MAP7D3: variants seen among roughly 807,000 people sequenced by gnomAD.
The protein encoded by MAP7D3 is MAP7 domain-containing protein 3.
Under a neutral mutation model 62.2 loss-of-function variants are expected in MAP7D3, and 45 were observed. The observed-to-expected ratio is 0.72, with a 90% CI of 0.57 to 0.93. The LOEUF is 0.93. Among genes scored for constraint, MAP7D3 ranks in the 40% least tolerant of loss-of-function variants. MAP7D3 has a pLI of 0.00. For synonymous variants in MAP7D3, 288 were observed against 248.8 expected (o/e 1.16, Z -1.48); for missense variants, 711 against 683.1 (o/e 1.04, Z -0.45).
intron 3 of MAP7D3, among the ~76,000 whole-genome samples, chrX:136,245,118 C>T (rs1011126936): frequency 6.3e-5 from 7 of 111,917 alleles, no homozygotes; most frequent in Admixed American, 3.8e-4. Flanking sequence ...AAAGTCAAAC[C>T]CTACCATATT....
At chrX:136,250,864 C>A (rs1255864335) in intron 1 of MAP7D3, among the ~76,000 whole-genome samples, 1 of 111,875 alleles carries the variant, frequency 8.9e-6, no homozygotes, top group East Asian at 2.9e-4. Context: ...GCCCGCACAT[C>A]CCAGGCAGCT....
Position 136,227,303 on chromosome X carries a change from T to A in MAP7D3, c.2015A>T (p.Asp672Val). 8.3e-7 allele frequency: 1 copy of A among 1,209,103 alleles called. No homozygotes were observed. The highest frequency in any genetic ancestry group is 1.1e-6 in the Non-Finnish European group (1 of 894,658). The change falls in exon 12 of 19, where the codon GAC becomes GTC. Residue 672 changes from aspartate (D) to valine (V), a missense_variant. By Grantham distance (152) the Asp-to-Val change is radical. Transcript: ENST00000316077. ...KKKKGWLDQE[D>V]QEAPLQKGDA... is the part of the protein sequence containing the mutation. ...GCAAACCTGCAGTGGTGCTTCCTGG[T>A]CTTCCTGATCCAGCCATCCTTTCTT...
At position 136,245,938 on chromosome X, in the gene MAP7D3, T is replaced by A. The variant is rs962808401; in HGVS notation, c.253+127A>T. On this transcript the variant is annotated intron_variant, in intron 3 of 18. Coordinates refer to ENST00000316077, the MANE Select transcript of MAP7D3 (RefSeq NM_024597.4). ...TGCCTGATTTAGTAAAAGGATTTAA[T>A]CCAAAATAATACATAATATAAAAAT... The A allele has an allele frequency of 1.5e-5, 6 of 392,629 alleles. 1 individual carries two copies. In the Admixed American group the frequency reaches 1.6e-4, roughly 10 times the overall value. 32.4% of individuals were successfully genotyped at this position (392,629 alleles called of 1,213,427 possible).
At chrX:136,244,890 TCATTCACTTTCTTAAAATAACACA>T in intron 3 of MAP7D3, 95 bp from the exon 4 acceptor site, 1 of 599,068 alleles carries the variant, frequency 1.7e-6, no homozygotes, top group Non-Finnish European at 2.6e-6. Flanking sequence ...TTAACACATC[TCATTCACTTTCTTAAAATAACACA>T]ACCTGTGCTA....
chrX:136,251,232 G>C, intron 1 of MAP7D3, 57 bp downstream of exon 1: 1 of 1,026,117 alleles, frequency 9.7e-7, no homozygotes, highest in East Asian at 3.8e-5. Context: ...GGGGACTGCG[G>C]GAACCCTGCC....
In MAP7D3 at chrX:136,231,692, G is replaced by A; in HGVS notation, c.1265C>T (p.Ala422Val). 8.3e-7 allele frequency: 1 copy of A among 1,211,049 alleles called. No individual in the cohort carries two copies. The highest frequency in any genetic ancestry group is 1.1e-6 in the Non-Finnish European group (1 of 895,336). ...GSLEAPPKGS[A>V]EVAPKESVKG... The stretch of plus-strand genomic sequence containing the variant: ...CACACTCTCCTTGGGGGCTACTTCT[G>A]CGCTCCCCTTGGGAGGTGCTTCCAG... The change falls in exon 8 of 19, where the codon GCA (alanine) becomes GTA (valine). Residue 422 changes from alanine (A) to valine (V), a missense_variant. Physicochemically the swap from Ala to Val is moderately conservative, Grantham distance 64. Coordinates refer to ENST00000316077, the MANE Select transcript of MAP7D3 (RefSeq NM_024597.4).
Position 136,227,275 on chromosome X carries a change from T to A in MAP7D3, c.2034+9A>T. On this transcript the variant is annotated intron_variant, in intron 12 of 18. Coordinates refer to ENST00000316077, the MANE Select transcript of MAP7D3 (RefSeq NM_024597.4). ...TCTCATCCCCTGATAAAGTGTCAAG[T>A]CAGCAAACCTGCAGTGGTGCTTCCT... is the stretch of plus-strand genomic sequence containing the variant. 1 of 1,207,917 alleles carries A rather than the reference T, an allele frequency of 8.3e-7. No individual in the cohort carries two copies. Among genetic ancestry groups the A allele is most frequent in the South Asian group, 1.8e-5 (1 of 56,539 alleles).
intron 7 of MAP7D3, among the ~76,000 whole-genome samples, chrX:136,234,513 T>G (rs1317544379): frequency 8.9e-6 from 1 of 112,361 alleles, no homozygotes; most frequent in Non-Finnish European, 1.9e-5. Context: ...AAGTTAGCTA[T>G]CTCATCCTAC....
intron 6 of MAP7D3, among the ~76,000 whole-genome samples, 175 bp from the exon 7 acceptor site, chrX:136,236,514 T>G (rs1055462691): frequency 1.8e-5 from 2 of 111,529 alleles, no homozygotes; most frequent in Non-Finnish European, 3.8e-5. Flanking sequence ...ATTCTTTATC[T>G]GAAATGAAAA....
chrX:136,232,007 G>A lies in MAP7D3; in HGVS notation c.950C>T (p.Thr317Ile). Reference protein sequence around the residue: ...PQVNVEVFCNTSMEASPKAGV... With the variant: ...PQVNVEVFCNISMEASPKAGV... ...TGCCTTGGGGGACGCTTCCATGCTTGTGTTGCAGAATACTTCCACATTCAC... is the reference window on the plus strand; with the variant it reads ...TGCCTTGGGGGACGCTTCCATGCTTATGTTGCAGAATACTTCCACATTCAC... Residue 317 changes from threonine (T) to isoleucine (I), a missense_variant, in exon 8 of 19, where the codon ACA (threonine) becomes ATA (isoleucine). Coordinates refer to ENST00000316077, the MANE Select transcript of MAP7D3 (RefSeq NM_024597.4). 1.3e-5 allele frequency: 16 copies of A among 1,211,043 alleles called. No individual in the cohort carries two copies. The highest frequency in any genetic ancestry group is 1.8e-5 in the Non-Finnish European group (16 of 894,973).
chrX:136,251,371 C>T lies in MAP7D3; in HGVS notation c.-13G>A, dbSNP rs763799062. 12 of 1,070,188 alleles carry T rather than the reference C, an allele frequency of 1.1e-5. No homozygotes were observed. In the South Asian group the frequency reaches 1.7e-4, roughly 15 times the overall value. The allele number at this position is 1,070,188 out of a possible 1,213,427, so 88.2% of individuals were successfully genotyped here. On this transcript the variant is annotated 5_prime_UTR_variant, in exon 1 of 19. Coordinates refer to ENST00000316077, the MANE Select transcript of MAP7D3 (RefSeq NM_024597.4). Reference sequence around the variant, plus strand: ...CGTCCGCCATCATCGGAGTCGGGACCGGAGGCGGTGGTGGCTCTCCGCATA... The same window carrying T: ...CGTCCGCCATCATCGGAGTCGGGACTGGAGGCGGTGGTGGCTCTCCGCATA...
At chrX:136,220,366 T>C (rs919753926) in intron 16 of MAP7D3, among the ~76,000 whole-genome samples, 1 of 112,564 alleles carries the variant, frequency 8.9e-6, no homozygotes, top group African/African-American at 3.2e-5. Context: ...GTGATGATAA[T>C]TGAAATAGGT....
upstream of MAP7D3, chrX:136,256,150 C>G: frequency 1.3e-6 from 1 of 752,278 alleles, no homozygotes; most frequent in Non-Finnish European, 1.6e-6. Flanking sequence ...TTTCTCCTCT[C>G]GTCGCTCACT....
chrX:136,228,762 G>C lies in MAP7D3; in HGVS notation c.1751-4C>G. The C allele has an allele frequency of 1.7e-6, 2 of 1,176,616 alleles. No homozygotes were observed. Among genetic ancestry groups the C allele is most frequent in the Non-Finnish European group, 2.3e-6 (2 of 878,343 alleles). Reference sequence around the variant, plus strand: ...GCAGTACTCTTATTACCAGACTCTAGTTTAAATAAATATGTGCAACAGTTA... The same window carrying C: ...GCAGTACTCTTATTACCAGACTCTACTTTAAATAAATATGTGCAACAGTTA... On this transcript the variant is annotated splice_polypyrimidine_tract_variant and splice_region_variant and intron_variant, in intron 10 of 18. Coordinates refer to ENST00000316077, the MANE Select transcript of MAP7D3 (RefSeq NM_024597.4).
chrX:136,249,589 A>G (rs1037068039), intron 1 of MAP7D3, among the ~76,000 whole-genome samples: 18 of 112,467 alleles, frequency 1.6e-4, no homozygotes, highest in African/African-American at 4.8e-4. Context: ...GCATGCATAC[A>G]TAAATGTATA....
chrX:136,220,165 G>C (rs758120000), intron 16 of MAP7D3, among the ~76,000 whole-genome samples: 4 of 111,518 alleles, frequency 3.6e-5, no homozygotes, highest in African/African-American at 6.5e-5. Context: ...CATTGACAAT[G>C]AGCATATTAT....
At position 136,220,873 on chromosome X, in the gene MAP7D3, T is replaced by C; in HGVS notation, c.2378A>G (p.Asp793Gly). 8.3e-7 allele frequency: 1 copy of C among 1,204,367 alleles called. No individual in the cohort carries two copies. Among genetic ancestry groups the C allele is most frequent in the African/African-American group, 1.7e-5 (1 of 57,747 alleles). The change falls in exon 16 of 19, where the codon GAT becomes GGT. Residue 793 changes from aspartate (D) to glycine (G), a missense_variant. Transcript: ENST00000316077. ...KMTHKLVFLEDGTSQVRKEPK... is the reference protein window; with the variant it reads ...KMTHKLVFLEGGTSQVRKEPK... ...CTCTTTACGGACCTGGCTGGTACCATCTTCTAGAAATACCAGCTTGTGTGT... is the reference window on the plus strand; with the variant it reads ...CTCTTTACGGACCTGGCTGGTACCACCTTCTAGAAATACCAGCTTGTGTGT...
chrX:136,235,582 C>G (rs1047194803), intron 7 of MAP7D3, among the ~76,000 whole-genome samples: 7 of 110,876 alleles, frequency 6.3e-5, no homozygotes, highest in Non-Finnish European at 1.3e-4. Flanking sequence ...AACCCCATTT[C>G]TACTAAAAAT....
upstream of MAP7D3, among the ~76,000 whole-genome samples, chrX:136,253,232 A>G (rs918033303): frequency 4.4e-5 from 5 of 112,535 alleles, no homozygotes; most frequent in Admixed American, 9.4e-5. Context: ...TTAATACGAC[A>G]CACATATGAT....
Sources: allele counts gnomAD v4.1 joint callset (sites outside exome capture counted in the v4.1 genomes callset), GRCh38; gene constraint gnomAD v4.1.1; transcripts MANE v1.5; gene names NCBI Gene and HGNC (gene_info 2026-07-23, HGNC 2026-07-21).